The following DOCK8 variants were observed in gnomAD, a reference collection of about 807,000 sequenced individuals.
The protein encoded by DOCK8 is dedicator of cytokinesis protein 8.
DOCK8 carries 141 observed loss-of-function variants against 245.6 expected under a neutral mutation model. The observed-to-expected ratio is 0.57, with a 90% CI of 0.50 to 0.66. DOCK8 has a LOEUF of 0.66. DOCK8 is among the 30% of genes least tolerant of loss of function. The probability of loss-of-function intolerance (pLI) is 0.00; values close to 1 mark genes in which losing one functional copy is unlikely to be tolerated. For missense variants in DOCK8, 2,965 were observed against 2,603.4 expected (o/e 1.14, Z -3.02); for synonymous variants, 1,168 against 970.2 (o/e 1.20, Z -3.79).
intron 7 of DOCK8, among the ~76,000 whole-genome samples, chr9:317,413 T>C (rs900727904): frequency 6.6e-6 from 1 of 151,956 alleles, no homozygotes; most frequent in Non-Finnish European, 1.5e-5. Context: ...TTAAGAAAAA[T>C]AGCGCTTAAG....
intron 4 of DOCK8, among the ~76,000 whole-genome samples, chr9:297,249 G>A (rs77111774): frequency 0.029 from 4,466 of 152,278 alleles, 100 homozygotes; most frequent in South Asian, 0.058. Context: ...ACTTGAGGAA[G>A]CTGTGACTCA....
chr9:220,497 G>A (rs1352515210), intron 1 of DOCK8, among the ~76,000 whole-genome samples: 1 of 152,104 alleles, frequency 6.6e-6, no homozygotes, highest in Non-Finnish European at 1.5e-5. Flanking sequence ...TGATGGAATG[G>A]GATGATGTTA....
intron 29 of DOCK8, among the ~76,000 whole-genome samples, chr9:416,139 G>T (rs961949237): frequency 1.3e-5 from 2 of 152,174 alleles, no homozygotes; most frequent in African/African-American, 4.8e-5. Flanking sequence ...TTCTGTTGGG[G>T]CCAGAGTGCA....
At chr9:224,410 A>G (rs2046947941) in intron 1 of DOCK8, among the ~76,000 whole-genome samples, 1 of 152,204 alleles carries the variant, frequency 6.6e-6, no homozygotes, top group African/African-American at 2.4e-5. Context: ...AATTAAGGAG[A>G]GTATGCACAT....
intron 11 of DOCK8, among the ~76,000 whole-genome samples, chr9:335,874 A>G (rs141031724): frequency 6.6e-6 from 1 of 152,356 alleles, no homozygotes; most frequent in African/African-American, 2.4e-5. Context: ...AAGATACTCA[A>G]AGACGGGTTG....
At chr9:257,708 G>A (rs7856552) in intron 1 of DOCK8, among the ~76,000 whole-genome samples, 4,301 of 152,162 alleles carry the variant, frequency 0.028, 87 homozygotes, top group South Asian at 0.048. Flanking sequence ...TCGTAGAGAC[G>A]GGGTTTCACC....
chr9:314,688 A>C (rs2050269865), intron 6 of DOCK8, among the ~76,000 whole-genome samples: 1 of 152,208 alleles, frequency 6.6e-6, no homozygotes, highest in African/African-American at 2.4e-5. Context: ...GTTGTCACAG[A>C]AATTGCATTT....
At position 312,054 on chromosome 9, in the gene DOCK8, T is replaced by A; in HGVS notation, c.629T>A (p.Leu210Gln). The change falls in exon 6 of 48, where the codon CTA becomes CAA. Residue 210 changes from leucine to glutamine, a missense_variant. By Grantham distance (113) the Leu-to-Gln change is moderately radical. Around this residue, in one of 3 missense-constraint regions of DOCK8, gnomAD observed 2,825 missense variants for 2,453.5 expected, o/e 1.15. Coordinates refer to ENST00000432829, the MANE Select transcript of DOCK8 (RefSeq NM_203447.4). ...CGCAGCCTGCAGCCTGACAAGCGGCTAGAAAACCTCCTGCAGCAAGTGAGT... is the reference window on the plus strand; with the variant it reads ...CGCAGCCTGCAGCCTGACAAGCGGCAAGAAAACCTCCTGCAGCAAGTGAGT... ...DLRSLQPDKR[L>Q]ENLLQQVSAE... is the part of the protein sequence containing the mutation. 6.2e-7 allele frequency: 1 copy of A among 1,614,200 alleles called. No homozygotes were observed. The highest frequency in any genetic ancestry group is 8.5e-7 in the Non-Finnish European group (1 of 1,180,032).
At chr9:351,281 A>G (rs938104704) in intron 14 of DOCK8, among the ~76,000 whole-genome samples, 2 of 152,156 alleles carry the variant, frequency 1.3e-5, no homozygotes, top group African/African-American at 4.8e-5. Context: ...ACCTGGAGAA[A>G]TCAGTTTTTC....
At chr9:301,851 C>G (rs181549220) in intron 4 of DOCK8, among the ~76,000 whole-genome samples, 2,346 of 152,150 alleles carry the variant, frequency 0.015, 22 homozygotes, top group Non-Finnish European at 0.023. Flanking sequence ...AGAGGTGATA[C>G]AAACAAATGG....
chr9:317,238 G>A (rs1008925637), intron 7 of DOCK8, 110 bp downstream of exon 7: 8 of 884,744 alleles, frequency 9.0e-6, no homozygotes, highest in South Asian at 2.8e-5. Context: ...CCCAAAATAC[G>A]TCTAACAGTG....
At chr9:345,552 G>T (rs1290899452) in intron 14 of DOCK8, among the ~76,000 whole-genome samples, 5 of 152,166 alleles carry the variant, frequency 3.3e-5, no homozygotes, top group Non-Finnish European at 7.3e-5. Context: ...ATTGATGAGG[G>T]TTTCAGCTGA....
chr9:413,085 A>G (rs2055821256), intron 28 of DOCK8, among the ~76,000 whole-genome samples: 1 of 152,132 alleles, frequency 6.6e-6, no homozygotes, highest in African/African-American at 2.4e-5. Context: ...AAATTGGGTT[A>G]AGAGTCCAAA....
chr9:402,981 A>G (rs1479496251), intron 26 of DOCK8, among the ~76,000 whole-genome samples: 1 of 152,178 alleles, frequency 6.6e-6, no homozygotes, highest in East Asian at 1.9e-4. Flanking sequence ...ACTCCGCCTC[A>G]CAGGTTCAAG....
At chr9:460,876 T>C (rs1397601760) in intron 46 of DOCK8, among the ~76,000 whole-genome samples, 2 of 152,262 alleles carry the variant, frequency 1.3e-5, no homozygotes, top group Admixed American at 6.5e-5. Context: ...AGTCCAAATC[T>C]GGTACCACTG....
At chr9:318,897 T>C (rs1445629974) in intron 7 of DOCK8, among the ~76,000 whole-genome samples, 1 of 152,224 alleles carries the variant, frequency 6.6e-6, no homozygotes, top group African/African-American at 2.4e-5. Context: ...TTCTCCTCTA[T>C]GGTGCTCATA....
intron 4 of DOCK8, among the ~76,000 whole-genome samples, chr9:297,282 A>G (rs2049299904): frequency 2.0e-5 from 3 of 152,192 alleles, no homozygotes; most frequent in South Asian, 4.1e-4. Context: ...CACTTGCCCA[A>G]GGTCTCTTAG....
intron 2 of DOCK8, among the ~76,000 whole-genome samples, chr9:273,808 G>A (rs1043747040): frequency 9.6e-6 from 1 of 104,686 alleles, no homozygotes; most frequent in Non-Finnish European, 1.9e-5. Context: ...TGTAGTTCAA[G>A]CAATTCTCCT....
intron 14 of DOCK8, among the ~76,000 whole-genome samples, chr9:367,320 G>C (rs936254082): frequency 2.0e-5 from 3 of 152,158 alleles, no homozygotes; most frequent in African/African-American, 7.2e-5. Context: ...TCTAGTGCTG[G>C]AGATACATCA....
Sources: gnomAD v4.1 joint callset for allele counts (sites outside exome capture counted in the v4.1 genomes callset) on GRCh38, gnomAD v4.1.1 for gene constraint, gnomAD v4.1.1 regional missense constraint, MANE v1.5 for transcripts, NCBI Gene and HGNC (gene_info 2026-07-23, HGNC 2026-07-21) for gene names.